Variants in TFEC observed in about 807,000 individuals in gnomAD.
TFEC encodes the protein class E basic helix-loop-helix protein 34.
A neutral mutation model predicts 41.6 loss-of-function variants in TFEC; 31 were observed. The ratio of observed to expected loss-of-function variants is 0.74; its 90% confidence interval spans 0.56 to 1.01. TFEC has a LOEUF of 1.01. Among genes scored for constraint, TFEC ranks in the 50% least tolerant of loss-of-function variants. The pLI, the probability that TFEC is intolerant of heterozygous loss-of-function variation, is 0.00. For missense variants in TFEC, 402 were observed against 404.1 expected, an observed-to-expected ratio of 0.99 and a Z score of 0.04; for synonymous variants, 143 against 140.6, an observed-to-expected ratio of 1.02 and a Z score of -0.12.
intron 3 of TFEC, among the ~76,000 whole-genome samples, chr7:116,055,018 T>C (rs2130968519): frequency 6.6e-6 from 1 of 152,300 alleles, no homozygotes; most frequent in Admixed American, 6.5e-5. Context: ...AGCAAAAGTA[T>C]TTTCACAGCA....
At position 116,155,251 on chromosome 7, in the gene TFEC, A is replaced by G. The variant is rs1798845900; in HGVS notation, c.-69+4539T>C. ...GAGGAATTAGAGATAGCTTCCTTAA[A>G]GAACTAATATTTAAACCAAGAACTA... is the stretch of plus-strand genomic sequence containing the variant. On this transcript the variant is annotated intron_variant, in intron 1 of 8. Coordinates refer to the TFEC transcript ENST00000484212. 2.0e-5 allele frequency among the ~76,000 whole-genome samples: 3 copies of G among 152,354 alleles called. No homozygotes were observed. The South Asian group carries it at 6.2e-4, about 32-fold the overall frequency.
At chr7:116,025,622 GT>G in intron 1 of TFEC, among the ~76,000 whole-genome samples, 1 of 152,198 alleles carries the variant, frequency 6.6e-6, no homozygotes, top group South Asian at 2.1e-4. Context: ...CTTACTCATA[GT>G]CACATGTCAA....
chr7:116,104,458 T>A (rs1468663174), intron 3 of TFEC, among the ~76,000 whole-genome samples: 1 of 152,204 alleles, frequency 6.6e-6, no homozygotes, highest in Non-Finnish European at 1.5e-5. Flanking sequence ...AGCATAAGCA[T>A]GGCTACCATT....
intron 1 of TFEC, among the ~76,000 whole-genome samples, chr7:115,999,710 C>T (rs1475400548): frequency 6.6e-6 from 1 of 151,618 alleles, no homozygotes; most frequent in African/African-American, 2.4e-5. Flanking sequence ...AAGTATATGC[C>T]AATAAATTGG....
At chr7:116,106,526 G>T (rs946745314) in intron 3 of TFEC, among the ~76,000 whole-genome samples, 2 of 152,100 alleles carry the variant, frequency 1.3e-5, no homozygotes, top group African/African-American at 4.8e-5. Context: ...GGGACTACAG[G>T]CACATGCCAC....
At chr7:115,947,839 A>G in intron 6 of TFEC, among the ~76,000 whole-genome samples, 1 of 152,130 alleles carries the variant, frequency 6.6e-6, no homozygotes, top group Non-Finnish European at 1.5e-5. Context: ...AGAAGAGATA[A>G]CTAAAATCAG....
chr7:115,988,453 A>G (rs1044353936), intron 1 of TFEC, among the ~76,000 whole-genome samples: 2 of 152,112 alleles, frequency 1.3e-5, no homozygotes, highest in Admixed American at 6.5e-5. Flanking sequence ...TTATTAATAC[A>G]CTGAAGATGA....
chr7:115,958,464 G>A (rs566943308), intron 3 of TFEC, among the ~76,000 whole-genome samples: 13 of 151,904 alleles, frequency 8.6e-5, no homozygotes, highest in African/African-American at 2.4e-4. Context: ...AGGGAGTGAG[G>A]GGGACAGAAC....
In TFEC at chr7:115,940,463, G is replaced by A. The variant is rs946236998; in HGVS notation, c.*88C>T. 2.1e-6 allele frequency: 3 copies of A among 1,400,394 alleles called. No individual in the cohort carries two copies. The Admixed American group carries it at 7.2e-5, about 34-fold the overall frequency. The allele number at this position is 1,400,394 out of a possible 1,614,324, so 86.7% of individuals were successfully genotyped here. On this transcript the variant is annotated 3_prime_UTR_variant, in exon 8 of 8. Transcript: ENST00000265440. ...CACATTCCTTTAAGAAAAAAAATAA[G>A]CCAAAGCAACATATGAAACACAGAG...
rs1482867980 is a variant in TFEC, at chr7:116,015,723, AG to A, written c.-73+14909del. ...GATTTATACACCACGATGAAGGGAA[AG>A]GAAGATTCACATATTATGCATTCAG... On this transcript the variant is annotated intron_variant, in intron 1 of 7. Transcript: ENST00000265440. Among the ~76,000 whole-genome samples, 13 of 152,338 alleles carry A rather than the reference AG, an allele frequency of 8.5e-5. No homozygotes were observed. In the East Asian group the frequency reaches 2.5e-3, roughly 29 times the overall value.
chr7:116,031,672 T>C (rs1319295916), upstream of TFEC, among the ~76,000 whole-genome samples: 1 of 152,144 alleles, frequency 6.6e-6, no homozygotes, highest in African/African-American at 2.4e-5. Context: ...GCCTTTGTGA[T>C]CTAAAAATTG....
At position 115,942,020 on chromosome 7, in the gene TFEC, C is replaced by G. The variant is rs766473701; in HGVS notation, c.536G>C (p.Gly179Ala). The G allele has an allele frequency of 5.0e-6, 8 of 1,612,606 alleles. No individual in the cohort carries two copies. Among genetic ancestry groups the G allele is most frequent in the South Asian group, 3.3e-5 (3 of 90,978 alleles). The change falls in exon 7 of 8, where the codon GGA becomes GCA. Residue 179 changes from glycine to alanine, a missense_variant. Physicochemically the swap from Gly to Ala is moderately conservative, Grantham distance 60 (BLOSUM62 0). Transcript: ENST00000265440. ...SNDPDMRWNK[G>A]TILKASVEYI... Reference sequence around the variant, plus strand: ...CTCCACTGATGCTTTTAGAATGGTTCCTTTGTTCCAGCGCATATCACTGTA... The same window carrying G: ...CTCCACTGATGCTTTTAGAATGGTTGCTTTGTTCCAGCGCATATCACTGTA...
intron 1 of TFEC, among the ~76,000 whole-genome samples, chr7:116,126,254 C>A (rs983636815): frequency 3.3e-5 from 5 of 151,890 alleles, no homozygotes; most frequent in African/African-American, 7.3e-5. Context: ...AAATAAAAAT[C>A]CAGATGCACT....
intron 1 of TFEC, among the ~76,000 whole-genome samples, chr7:116,146,809 G>A (rs1798650384): frequency 1.3e-5 from 2 of 152,152 alleles, no homozygotes; most frequent in South Asian, 4.2e-4. Flanking sequence ...ATAATCAGAA[G>A]AAGCCTACAA....
At chr7:116,110,345 T>C (rs1797824468) in intron 3 of TFEC, among the ~76,000 whole-genome samples, 2 of 152,126 alleles carry the variant, frequency 1.3e-5, no homozygotes, top group African/African-American at 4.8e-5. Context: ...CTACAATGAT[T>C]GATTCAAATA....
intron 1 of TFEC, among the ~76,000 whole-genome samples, chr7:116,131,736 T>C (rs1798337037): frequency 6.6e-6 from 1 of 152,162 alleles, no homozygotes; most frequent in South Asian, 2.1e-4. Flanking sequence ...TCTATCATCA[T>C]CTCCACTCCC....
chr7:116,074,636 G>T (rs1414248993), intron 3 of TFEC, among the ~76,000 whole-genome samples: 1 of 152,088 alleles, frequency 6.6e-6, no homozygotes, highest in African/African-American at 2.4e-5. Context: ...GGAGAAACTG[G>T]AATGTTTATA....
At chr7:116,123,776 TTC>T (rs1391315442) in intron 1 of TFEC, among the ~76,000 whole-genome samples, 1 of 152,164 alleles carries the variant, frequency 6.6e-6, no homozygotes, top group African/African-American at 2.4e-5. Context: ...CACTTCCTTC[TTC>T]TCTAAGTTCT....
chr7:116,111,692 T>C (rs1797858350), intron 2 of TFEC, among the ~76,000 whole-genome samples: 1 of 152,000 alleles, frequency 6.6e-6, no homozygotes, highest in Admixed American at 6.6e-5. Context: ...GCCACCCAAA[T>C]TCTCAGTCAG....
Sources: allele counts gnomAD v4.1 joint callset (sites outside exome capture counted in the v4.1 genomes callset), GRCh38; gene constraint gnomAD v4.1.1; transcripts MANE v1.5; gene names NCBI Gene and HGNC (gene_info 2026-07-23, HGNC 2026-07-21).